GSDME: variants seen among roughly 807,000 people sequenced by gnomAD.
The protein encoded by GSDME is gasdermin-E.
A neutral mutation model predicts 47.5 loss-of-function variants in GSDME; 44 were observed. The ratio of observed to expected loss-of-function variants is 0.93; its 90% CI spans 0.73 to 1.19. The LOEUF is 1.19. GSDME is among the 50% of genes most tolerant of loss of function. GSDME has a pLI of 0.00. For missense variants in GSDME, 663 were observed against 604.2 expected (o/e 1.10, Z -1.02); for synonymous variants, 258 against 252.8 (o/e 1.02, Z -0.20).
At position 24,726,891 on chromosome 7, in the gene GSDME, G is replaced by A. The variant is rs958106396; in HGVS notation, c.405-7673C>T. Among the ~76,000 whole-genome samples the A allele has an allele frequency of 2.0e-5, 3 of 152,004 alleles. No individual in the cohort carries two copies. Among genetic ancestry groups the A allele is most frequent in the Admixed American group, 6.5e-5 (1 of 15,268 alleles). ...GCCTGGTAAGGCTCTCCAAACCCCAGGGGACATCATGACAGAGCAGGAGCT... is the reference window on the plus strand; with the variant it reads ...GCCTGGTAAGGCTCTCCAAACCCCAAGGGACATCATGACAGAGCAGGAGCT... On this transcript the variant is annotated intron_variant, in intron 3 of 9. Coordinates refer to ENST00000645220, the MANE Select transcript of GSDME (RefSeq NM_001127453.2). This position sits in a 1 kb window ranked among gnomAD's most constrained non-coding sequence, Gnocchi z 5.6.
the GSDME span, among the ~76,000 whole-genome samples, chr7:24,782,813 A>C: frequency 6.6e-6 from 1 of 152,196 alleles, no homozygotes; most frequent in Non-Finnish European, 1.5e-5. Context: ...TTCTCTGATG[A>C]CCAGTGATGA....
In GSDME at chr7:24,743,656, T is replaced by C. The variant is rs964503722; in HGVS notation, c.404+906A>G. 8.6e-5 allele frequency among the ~76,000 whole-genome samples: 13 copies of C among 151,896 alleles called. No homozygotes were observed. The South Asian group carries it at 2.7e-3, about 32-fold the overall frequency. ...CCACCCCTTTCAGCCCCTCCGACTC[T>C]CCTTTCCTGCCCTCCCCTTGCTCAC... On this transcript the variant is annotated intron_variant, in intron 3 of 9. Transcript: ENST00000645220.
chr7:24,783,558 G>A, the GSDME span, among the ~76,000 whole-genome samples: 1 of 152,144 alleles, frequency 6.6e-6, no homozygotes, highest in East Asian at 1.9e-4. Context: ...CACACATCAC[G>A]CTGAGGTGTT....
chr7:24,790,770 C>A, the GSDME span, among the ~76,000 whole-genome samples: 1 of 152,236 alleles, frequency 6.6e-6, no homozygotes, highest in South Asian at 2.1e-4. This position sits in a 1 kb window ranked among gnomAD's most constrained non-coding sequence, Gnocchi z 4.1. Flanking sequence ...TGGCTACATC[C>A]CTTGTACTGG....
the GSDME span, among the ~76,000 whole-genome samples, chr7:24,794,290 TCTTTCTCTC>T: frequency 8.9e-6 from 1 of 111,964 alleles, no homozygotes; most frequent in African/African-American, 4.3e-5. Context: ...CCTCTCTCTC[TCTTTCTCTC>T]CTCTCTCTCT....
At chr7:24,702,864 CA>C (rs754864113) in intron 8 of GSDME, 31 bp from the exon 9 acceptor site, 7 of 1,598,124 alleles carry the variant, frequency 4.4e-6, no homozygotes, top group South Asian at 2.2e-5. Flanking sequence ...AGTCACAGTC[CA>C]AAAAAACAAG....
Position 24,714,323 on chromosome 7 carries a change from A to G in GSDME, c.697+2931T>C, listed in dbSNP as rs778916651. 9.2e-5 allele frequency among the ~76,000 whole-genome samples: 14 copies of G among 152,198 alleles called. No individual in the cohort carries two copies. The highest frequency in any genetic ancestry group is 3.2e-3 in the Middle Eastern group (1 of 316). ...ATGCAATCCCACCAGGAAGGTAGGG[A>G]GAGAGAGCAGGCATGTCTTCTCAAG... On this transcript the variant is annotated intron_variant, in intron 5 of 9. Coordinates refer to ENST00000645220, the MANE Select transcript of GSDME (RefSeq NM_001127453.2). The surrounding 1 kb of genome is among the most constrained non-coding windows in gnomAD (Gnocchi z 5.0).
At chr7:24,707,523 C>G (rs910627122) in intron 7 of GSDME, 3 of 438,262 alleles carry the variant, frequency 6.8e-6, no homozygotes, top group Admixed American at 2.6e-5. Context: ...TTGCAGTAGT[C>G]TGAGTAGTGG....
intron 5 of GSDME, 124 bp from the exon 6 acceptor site, chr7:24,710,512 C>A: frequency 1.1e-6 from 1 of 887,402 alleles, no homozygotes; most frequent in South Asian, 1.4e-5. Flanking sequence ...GCAGAAGACC[C>A]ATCCATCTTC....
At chr7:24,793,831 G>A in the GSDME span, among the ~76,000 whole-genome samples, 4 of 149,126 alleles carry the variant, frequency 2.7e-5, no homozygotes, top group Admixed American at 2.7e-4. Flanking sequence ...GGTGAGGTGT[G>A]CTCACAGTGA....
chr7:24,720,832 G>T (rs189676756), intron 3 of GSDME, among the ~76,000 whole-genome samples: 4 of 152,072 alleles, frequency 2.6e-5, no homozygotes, highest in Non-Finnish European at 4.4e-5. Context: ...GCTTGAACCC[G>T]GGAGGCGGAG....
intron 7 of GSDME, 72 bp from the exon 8 acceptor site, chr7:24,706,448 C>A: frequency 6.8e-7 from 1 of 1,464,606 alleles, no homozygotes. Flanking sequence ...CCTCCGCTCA[C>A]AGTACACACA....
chr7:24,737,884 A>G (rs1314240160), intron 3 of GSDME, among the ~76,000 whole-genome samples: 5 of 152,202 alleles, frequency 3.3e-5, no homozygotes. Context: ...AAGAACAAAA[A>G]CCATTTGATT....
At chr7:24,758,897 C>A (rs1791118366), upstream of GSDME, among the ~76,000 whole-genome samples, 1 of 152,208 alleles carries the variant, frequency 6.6e-6, no homozygotes, top group Admixed American at 6.5e-5. This position sits in a 1 kb window ranked among gnomAD's most constrained non-coding sequence, Gnocchi z 4.6. Flanking sequence ...CTATGCCCAG[C>A]ACCTAGTTTA....
chr7:24,719,758 G>C (rs2237309), intron 3 of GSDME, among the ~76,000 whole-genome samples: 1 of 151,412 alleles, frequency 6.6e-6, no homozygotes, highest in Non-Finnish European at 1.5e-5. Flanking sequence ...ATGCCATTGC[G>C]CTCCAGCCAG....
At chr7:24,758,384 G>A (rs1460961268), upstream of GSDME, among the ~76,000 whole-genome samples, 1 of 152,216 alleles carries the variant, frequency 6.6e-6, no homozygotes, top group Non-Finnish European at 1.5e-5. The surrounding 1 kb of genome is among the most constrained non-coding windows in gnomAD (Gnocchi z 4.6). Flanking sequence ...CAGTTGACTG[G>A]CAATAGAAGT....
chr7:24,720,042 A>T (rs1195834145), intron 3 of GSDME, among the ~76,000 whole-genome samples: 1 of 152,188 alleles, frequency 6.6e-6, no homozygotes, highest in Non-Finnish European at 1.5e-5. Context: ...AAACTTCTTA[A>T]CCTGTCTAGG....
the GSDME span, among the ~76,000 whole-genome samples, chr7:24,794,166 TTCTGTC>T: frequency 2.0e-5 from 3 of 150,036 alleles, no homozygotes; most frequent in Admixed American, 2.0e-4. Flanking sequence ...TTTGACTTCC[TTCTGTC>T]TCTGTCTCTT....
At chr7:24,710,458 G>C (rs1451148597) in intron 5 of GSDME, 70 bp from the exon 6 acceptor site, 9 of 1,498,326 alleles carry the variant, frequency 6.0e-6, no homozygotes, top group Non-Finnish European at 8.4e-6. Flanking sequence ...TCTGGACAGG[G>C]TCAGCCCAGC....
Sources: allele counts gnomAD v4.1 joint callset (sites outside exome capture counted in the v4.1 genomes callset), GRCh38; gene constraint gnomAD v4.1.1; non-coding constraint Gnocchi (gnomAD v3.1); transcripts MANE v1.5; gene names NCBI Gene and HGNC (gene_info 2026-07-23, HGNC 2026-07-21).